Variants in PRMT8 observed in about 807,000 individuals in gnomAD.
PRMT8 encodes the protein protein arginine methyltransferase 8, also known as protein arginine N-methyltransferase 8.
In PRMT8, 7 loss-of-function variants were observed where a neutral mutation model predicts 47.1. That is an observed-to-expected ratio of 0.15 (90% CI 0.08 to 0.28). The LOEUF is 0.28. PRMT8 is among the 10% of genes least tolerant of loss of function. PRMT8 has a pLI of 1.00. For synonymous variants in PRMT8, 188 were observed against 186.5 expected (o/e 1.01, Z -0.07); for missense variants, 237 against 505.4 (o/e 0.47, Z 5.09).
At chr12:3,579,020 C>CT (rs1417126977) in intron 7 of PRMT8, among the ~76,000 whole-genome samples, 1 of 152,102 alleles carries the variant, frequency 6.6e-6, no homozygotes, top group East Asian at 1.9e-4. Flanking sequence ...CAAATGTGTC[C>CT]TTTTGTTTCT....
intron 1 of PRMT8, among the ~76,000 whole-genome samples, chr12:3,432,092 G>GT (rs1864686822): frequency 6.6e-6 from 1 of 152,316 alleles, no homozygotes; most frequent in Non-Finnish European, 1.5e-5. Context: ...AGGAGACGTG[G>GT]GATCCCTTCT....
rs59858765 is a variant in PRMT8 at position 3,461,000 on chromosome 12, T to C, written c.48+79558T>C. On this transcript the variant is annotated intron_variant, in intron 1 of 9. Coordinates refer to the PRMT8 transcript ENST00000452611. ...CATTTTTCTGGGGCTGACATATCTTTTTCCAGTAGGTGTGGCCTGAGGGTG... is the reference window on the plus strand; with the variant it reads ...CATTTTTCTGGGGCTGACATATCTTCTTCCAGTAGGTGTGGCCTGAGGGTG... 4.1e-3 allele frequency among the ~76,000 whole-genome samples: 626 copies of C among 152,324 alleles called. 12 individuals are homozygous for C. The East Asian group carries it at 0.063, about 15-fold the overall frequency.
At chr12:3,486,331 T>C (rs1865323417), upstream of PRMT8, among the ~76,000 whole-genome samples, 1 of 152,110 alleles carries the variant, frequency 6.6e-6, no homozygotes, top group Non-Finnish European at 1.5e-5. Context: ...AGACCCCCGA[T>C]GGTACCTAAA....
Position 3,557,543 on chromosome 12 carries a change from G to A in PRMT8, c.481+3829G>A, listed in dbSNP as rs757933894. Among the ~76,000 whole-genome samples the A allele has an allele frequency of 6.6e-6, 1 of 152,154 alleles. No homozygotes were observed. Among genetic ancestry groups the A allele is most frequent in the Non-Finnish European group, 1.5e-5 (1 of 68,024 alleles). On this transcript the variant is annotated intron_variant, in intron 4 of 9. Transcript: ENST00000382622. This position sits in a 1 kb window ranked among gnomAD's most constrained non-coding sequence, Gnocchi z 4.7. ...TTTCTTGGCTCACCCAGCGGAGCTGGGTCTCTTCTGTGCCCTCCTCAGAGA... is the reference window on the plus strand; with the variant it reads ...TTTCTTGGCTCACCCAGCGGAGCTGAGTCTCTTCTGTGCCCTCCTCAGAGA...
At chr12:3,394,197 T>A (rs1864224047) in intron 1 of PRMT8, among the ~76,000 whole-genome samples, 1 of 151,108 alleles carries the variant, frequency 6.6e-6, no homozygotes, top group Admixed American at 6.6e-5. Flanking sequence ...TTGAATACCC[T>A]TTATTTCCTT....
chr12:3,567,288 G>C (rs998593628), intron 4 of PRMT8, among the ~76,000 whole-genome samples: 2 of 152,220 alleles, frequency 1.3e-5, no homozygotes, highest in African/African-American at 4.8e-5. Flanking sequence ...TTGGAGTTTA[G>C]TTAGGTCAAG....
chr12:3,481,327 C>A (rs1452763841), intron 1 of PRMT8, among the ~76,000 whole-genome samples: 1 of 152,188 alleles, frequency 6.6e-6, no homozygotes, highest in Non-Finnish European at 1.5e-5. Context: ...GTCTTATTAT[C>A]CTGTGAGTGG....
chr12:3,459,652 A>AGAGG (rs1254895430), intron 1 of PRMT8, among the ~76,000 whole-genome samples: 4 of 152,250 alleles, frequency 2.6e-5, no homozygotes, highest in African/African-American at 7.2e-5. Context: ...AAAGCGGAAC[A>AGAGG]GAGGGCTGTT....
intron 4 of PRMT8, among the ~76,000 whole-genome samples, chr12:3,568,186 T>C (rs74334165): frequency 0.021 from 3,133 of 151,734 alleles, 105 homozygotes; most frequent in African/African-American, 0.071. Flanking sequence ...GAAGAGGAAA[T>C]ATATTTACCA....
At chr12:3,516,970 T>C (rs1448441085) in intron 1 of PRMT8, among the ~76,000 whole-genome samples, 1 of 152,164 alleles carries the variant, frequency 6.6e-6, no homozygotes, top group Non-Finnish European at 1.5e-5. Flanking sequence ...AGGATTGCAA[T>C]GCATTGTGGG....
intron 1 of PRMT8, among the ~76,000 whole-genome samples, chr12:3,385,917 G>GTCCA (rs35259475): frequency 0.9 from 135,623 of 151,206 alleles, 61,926 homozygotes; most frequent in Non-Finnish European, 0.98. Flanking sequence ...TTGTTCATCC[G>GTCCA]TCCATCCATC....
At chr12:3,381,556 A>G (rs1864091589) in intron 1 of PRMT8, 1 of 980,894 alleles carries the variant, frequency 1.0e-6, no homozygotes, top group Non-Finnish European at 1.5e-6. Flanking sequence ...TCATCTGCAG[A>G]GCCTGCTCAC....
At chr12:3,517,184 C>A (rs1865806695) in intron 1 of PRMT8, among the ~76,000 whole-genome samples, 1 of 152,184 alleles carries the variant, frequency 6.6e-6, no homozygotes. Context: ...TCTGGGTGTG[C>A]CCGCTCATCA....
At chr12:3,463,985 C>A (rs1456121658) in intron 1 of PRMT8, among the ~76,000 whole-genome samples, 3 of 152,086 alleles carry the variant, frequency 2.0e-5, no homozygotes, top group Admixed American at 1.3e-4. Flanking sequence ...ATAACTGGAC[C>A]CACTGTCTAC....
At chr12:3,565,658 A>AC (rs1442688806) in intron 4 of PRMT8, among the ~76,000 whole-genome samples, 1 of 151,674 alleles carries the variant, frequency 6.6e-6, no homozygotes. Flanking sequence ...CTATTCTGTG[A>AC]CCCCCTATAT....
intron 1 of PRMT8, among the ~76,000 whole-genome samples, chr12:3,479,064 C>T (rs1323886920): frequency 6.6e-6 from 1 of 152,210 alleles, no homozygotes; most frequent in Non-Finnish European, 1.5e-5. Flanking sequence ...ACAGCAGGCT[C>T]TGACTGGGAA....
chr12:3,589,618 T>G (rs542082729), intron 8 of PRMT8, among the ~76,000 whole-genome samples: 2 of 152,334 alleles, frequency 1.3e-5, no homozygotes, highest in South Asian at 2.1e-4. Context: ...GGCACTTTGA[T>G]GGAGAATCAG....
intron 1 of PRMT8, among the ~76,000 whole-genome samples, chr12:3,495,371 A>G (rs1305404094): frequency 6.6e-6 from 1 of 152,066 alleles, no homozygotes; most frequent in Non-Finnish European, 1.5e-5. Flanking sequence ...GCATCATGCA[A>G]TTCTTGGAAA....
intron 1 of PRMT8, among the ~76,000 whole-genome samples, chr12:3,439,921 G>A (rs1843691279): frequency 6.6e-6 from 1 of 152,314 alleles, no homozygotes; most frequent in Admixed American, 6.5e-5. Context: ...GGGTGGTCGT[G>A]GCAGAAGTAT....
Sources: allele counts gnomAD v4.1 joint callset (sites outside exome capture counted in the v4.1 genomes callset), GRCh38; gene constraint gnomAD v4.1.1; non-coding constraint Gnocchi (gnomAD v3.1); transcripts MANE v1.5; gene names NCBI Gene and HGNC (gene_info 2026-07-23, HGNC 2026-07-21).